SGCZ: variants seen among roughly 807,000 people sequenced by gnomAD.
SGCZ encodes the protein sarcoglycan zeta, also known as zeta-sarcoglycan.
In SGCZ, 40 loss-of-function variants were observed where a neutral mutation model predicts 41.3. The ratio of observed to expected loss-of-function variants is 0.97; its 90% CI spans 0.75 to 1.26. The LOEUF is 1.26. Ranked by LOEUF, SGCZ falls within the 50% of genes most tolerant of loss-of-function variation. The pLI is 0.00. For synonymous variants in SGCZ, 206 were observed against 137.5 expected (o/e 1.50, Z -3.49); for missense variants, 552 against 369.8 (o/e 1.49, Z -4.04).
chr8:15,234,801 G>GT (rs1328523033), intron 1 of SGCZ, among the ~76,000 whole-genome samples: 1 of 152,076 alleles, frequency 6.6e-6, no homozygotes, highest in Non-Finnish European at 1.5e-5. Flanking sequence ...AGAGAAAATA[G>GT]TTTATCCCAA....
At chr8:14,922,156 G>A (rs1325033745) in intron 1 of SGCZ, among the ~76,000 whole-genome samples, 1 of 151,972 alleles carries the variant, frequency 6.6e-6, no homozygotes, top group Non-Finnish European at 1.5e-5. Flanking sequence ...AAGGGAACCA[G>A]CTGTGTAAAA....
chr8:14,969,010 A>G (rs1801208226), intron 1 of SGCZ, among the ~76,000 whole-genome samples: 1 of 152,128 alleles, frequency 6.6e-6, no homozygotes, highest in Non-Finnish European at 1.5e-5. Flanking sequence ...GAGAACATTT[A>G]CATCATTGTG....
At position 14,554,853 on chromosome 8, in the gene SGCZ, G is replaced by C. The variant is rs1803983235; in HGVS notation, c.113C>G (p.Pro38Arg). Reference protein sequence around the residue: ...LPRTENAQLYPVGIYGWRKRC... With the variant: ...LPRTENAQLYRVGIYGWRKRC... ...CTTTCGCCATCCATAAATTCCCACT[G>C]GGTAAAGTTGTGCATTCTCAGTCCT... is the stretch of plus-strand genomic sequence containing the variant. The change falls in exon 2 of 8, where the codon CCA becomes CGA. Residue 38 changes from proline to arginine, a missense_variant. Physicochemically the swap from Pro to Arg is moderately radical, Grantham distance 103 (BLOSUM62 -2). Coordinates refer to ENST00000382080, the MANE Select transcript of SGCZ (RefSeq NM_139167.4). 4 of 1,613,116 alleles carry C rather than the reference G, an allele frequency of 2.5e-6. No homozygotes were observed. Among genetic ancestry groups the C allele is most frequent in the Non-Finnish European group, 2.5e-6 (3 of 1,179,516 alleles).
chr8:14,236,204 G>A (rs1806754193), intron 4 of SGCZ, among the ~76,000 whole-genome samples: 1 of 152,104 alleles, frequency 6.6e-6, no homozygotes, highest in Non-Finnish European at 1.5e-5. Flanking sequence ...TCTTGCTTCT[G>A]AATCAGTTCT....
At chr8:14,504,808 A>G (rs1243363481) in intron 2 of SGCZ, among the ~76,000 whole-genome samples, 2 of 152,098 alleles carry the variant, frequency 1.3e-5, no homozygotes, top group African/African-American at 4.8e-5. Flanking sequence ...TTTGTGATTT[A>G]TATCACTCAG....
intron 1 of SGCZ, among the ~76,000 whole-genome samples, chr8:14,691,138 A>G (rs10092827): frequency 0.025 from 3,835 of 152,304 alleles, 179 homozygotes; most frequent in African/African-American, 0.088. Context: ...AAATTCCTAC[A>G]TAACAGGATG....
At chr8:14,513,328 G>T (rs1321036563) in intron 2 of SGCZ, among the ~76,000 whole-genome samples, 1 of 152,054 alleles carries the variant, frequency 6.6e-6, no homozygotes, top group Non-Finnish European at 1.5e-5. Context: ...ATGAGCCACA[G>T]TGCCAAACCA....
intron 1 of SGCZ, among the ~76,000 whole-genome samples, chr8:14,881,272 C>T (rs916195007): frequency 6.6e-6 from 1 of 152,058 alleles, no homozygotes; most frequent in Non-Finnish European, 1.5e-5. Flanking sequence ...GTATCATGAT[C>T]AATTAGTGCA....
At chr8:14,257,937 T>C (rs1799522221) in intron 3 of SGCZ, among the ~76,000 whole-genome samples, 1 of 152,202 alleles carries the variant, frequency 6.6e-6, no homozygotes, top group Non-Finnish European at 1.5e-5. Context: ...CATATCTACC[T>C]ACCAATTCAA....
chr8:14,606,418 G>C (rs1463137737), intron 1 of SGCZ, among the ~76,000 whole-genome samples: 4 of 152,122 alleles, frequency 2.6e-5, no homozygotes, highest in Admixed American at 2.6e-4. Flanking sequence ...CTTGGTGCAA[G>C]ATCAAAACTC....
chr8:14,797,348 A>G (rs1801169138), intron 1 of SGCZ, among the ~76,000 whole-genome samples: 1 of 152,150 alleles, frequency 6.6e-6, no homozygotes, highest in Non-Finnish European at 1.5e-5. Flanking sequence ...ATGGTCTCAG[A>G]TGGAGACGAG....
At chr8:14,649,016 T>C (rs1197576471) in intron 1 of SGCZ, among the ~76,000 whole-genome samples, 1 of 152,242 alleles carries the variant, frequency 6.6e-6, no homozygotes, top group Non-Finnish European at 1.5e-5. Context: ...ATACCAACTA[T>C]AGTCTAGCTG....
At position 14,783,358 on chromosome 8, in the gene SGCZ, C is replaced by T. The variant is rs567687278; in HGVS notation, c.40-228432G>A. Among the ~76,000 whole-genome samples the T allele has an allele frequency of 4.6e-3, 692 of 151,242 alleles. 9 individuals are homozygous for T. Among genetic ancestry groups the T allele is most frequent in the Non-Finnish European group, 8.2e-3 (554 of 67,908 alleles). ...CTGAGGAAGCAGAATCACTTGAACC[C>T]GGTAGGTGGAAGTTGCAGTGAGCTG... On this transcript the variant is annotated intron_variant, in intron 1 of 7. Coordinates refer to ENST00000382080, the MANE Select transcript of SGCZ (RefSeq NM_139167.4).
intron 1 of SGCZ, among the ~76,000 whole-genome samples, chr8:15,081,569 GA>G (rs33943291): frequency 0.13 from 19,210 of 150,994 alleles, 2,064 homozygotes; most frequent in East Asian, 0.28. Flanking sequence ...TGAAAGAACA[GA>G]AAAAAATAGA....
At chr8:14,544,571 G>C (rs775870363) in intron 2 of SGCZ, among the ~76,000 whole-genome samples, 1 of 151,994 alleles carries the variant, frequency 6.6e-6, no homozygotes, top group African/African-American at 2.4e-5. Flanking sequence ...TCCTGGGGGA[G>C]GTCTATAAAT....
At chr8:14,629,078 A>C (rs1413888389) in intron 1 of SGCZ, among the ~76,000 whole-genome samples, 1 of 152,176 alleles carries the variant, frequency 6.6e-6, no homozygotes, top group Non-Finnish European at 1.5e-5. Flanking sequence ...ATTTGGGGAA[A>C]AATTTAATCT....
chr8:14,784,902 C>CAAAAAAAAAAAAAAAAAAAA (rs1182679983), intron 1 of SGCZ, among the ~76,000 whole-genome samples: 5 of 39,556 alleles, frequency 1.3e-4, no homozygotes, highest in Admixed American at 4.4e-4. Context: ...AACTCTGCCT[C>CAAAAAAAAAAAAAAAAAAAA]AAAAAAAAAA....
Position 14,418,356 on chromosome 8 carries a change from A to G in SGCZ, c.235-94152T>C, listed in dbSNP as rs1447123055. Reference sequence around the variant, plus strand: ...GTGGCTCCTTAAAGCATTAGTTTTAAGAATTCACTTATTCAAGAAAGGGGA... The same window carrying G: ...GTGGCTCCTTAAAGCATTAGTTTTAGGAATTCACTTATTCAAGAAAGGGGA... On this transcript the variant is annotated intron_variant, in intron 2 of 7. Transcript: ENST00000382080. Among the ~76,000 whole-genome samples the G allele has an allele frequency of 2.6e-5, 4 of 151,948 alleles. No homozygotes were observed. The East Asian group carries it at 7.7e-4, about 29-fold the overall frequency.
chr8:15,012,325 T>A (rs1264172151), intron 1 of SGCZ, among the ~76,000 whole-genome samples: 1 of 151,270 alleles, frequency 6.6e-6, no homozygotes, highest in Non-Finnish European at 1.5e-5. Context: ...TAGCATGATG[T>A]GGTGACATAT....
Sources: gnomAD v4.1 joint callset for allele counts (sites outside exome capture counted in the v4.1 genomes callset) on GRCh38, gnomAD v4.1.1 for gene constraint, MANE v1.5 for transcripts, NCBI Gene and HGNC (gene_info 2026-07-23, HGNC 2026-07-21) for gene names.